KIF15: variants seen among roughly 807,000 people sequenced by gnomAD.
KIF15 encodes kinesin-like protein KIF15.
In KIF15, 140 loss-of-function variants were observed where a neutral mutation model predicts 190.6. The ratio of observed to expected loss-of-function variants is 0.73; its 90% CI spans 0.64 to 0.84. KIF15 has a LOEUF of 0.84. Among genes scored for constraint, KIF15 ranks in the 40% least tolerant of loss-of-function variants. The probability of loss-of-function intolerance (pLI) is 0.00; values close to 1 mark genes in which losing one functional copy is unlikely to be tolerated. For synonymous variants in KIF15, 528 were observed against 551.3 expected, an observed-to-expected ratio of 0.96 and a Z score of 0.59; for missense variants, 1,372 against 1,584.4, an observed-to-expected ratio of 0.87 and a Z score of 2.28.
intron 10 of KIF15, 63 bp downstream of exon 10, chr3:44,798,019 A>G: frequency 7.2e-7 from 1 of 1,379,354 alleles, no homozygotes; most frequent in Non-Finnish European, 9.8e-7. Context: ...ACAGTATGCC[A>G]TTTTTGTGAT....
intron 20 of KIF15, among the ~76,000 whole-genome samples, chr3:44,817,471 T>A (rs1307000838): frequency 6.6e-6 from 1 of 152,226 alleles, no homozygotes; most frequent in African/African-American, 2.4e-5. Flanking sequence ...CTAGCCAGTT[T>A]TCCCAGCACC....
At chr3:44,809,804 C>T (rs918730025) in intron 16 of KIF15, among the ~76,000 whole-genome samples, 6 of 152,074 alleles carry the variant, frequency 3.9e-5, no homozygotes, top group Non-Finnish European at 7.4e-5. Flanking sequence ...TGGTGTCTCA[C>T]GCCTGTAATT....
intron 6 of KIF15, among the ~76,000 whole-genome samples, chr3:44,860,707 T>G (rs560536276): frequency 2.0e-4 from 31 of 152,174 alleles, no homozygotes; most frequent in Admixed American, 1.9e-3. Context: ...AAAACCACCC[T>G]GTGAGAGAAG....
chr3:44,795,878 G>A (rs1368770188), intron 8 of KIF15, among the ~76,000 whole-genome samples: 2 of 151,684 alleles, frequency 1.3e-5, no homozygotes, highest in Non-Finnish European at 2.9e-5. Flanking sequence ...ATATTTTTTT[G>A]TTTTGAGACA....
At chr3:44,862,124 C>T (rs780040589) in intron 6 of KIF15, 5 of 780,106 alleles carry the variant, frequency 6.4e-6, no homozygotes, top group Non-Finnish European at 7.9e-6. Flanking sequence ...GAGGTCGAGC[C>T]CGGGGCGCTG....
At chr3:44,833,408 T>C (rs1698164170) in intron 26 of KIF15, among the ~76,000 whole-genome samples, 2 of 151,912 alleles carry the variant, frequency 1.3e-5, no homozygotes, top group South Asian at 4.2e-4. Context: ...GTAGAATCAG[T>C]GGGAGCCCTG....
chr3:44,802,884 T>C lies in KIF15; in HGVS notation c.1580T>C (p.Leu527Pro). ...TCCCTCAGGGAGGAGAATAGAAGAC[T>C]GAGATTATTAGAGCCTGTGAAAAGA... ...NHSLREENRRLRLLEPVKRAQ... is the reference protein window; with the variant it reads ...NHSLREENRRPRLLEPVKRAQ... The change falls in exon 14 of 35, where the codon CTG (leucine) becomes CCG (proline). Residue 527 changes from leucine (L) to proline (P), a missense_variant. Coordinates refer to ENST00000326047, the MANE Select transcript of KIF15 (RefSeq NM_020242.3). 10 of 1,611,864 alleles carry C rather than the reference T, an allele frequency of 6.2e-6. No individual in the cohort carries two copies. Among genetic ancestry groups the C allele is most frequent in the Non-Finnish European group, 8.5e-6 (10 of 1,179,302 alleles).
At chr3:44,831,547 G>A (rs1698072811) in intron 26 of KIF15, among the ~76,000 whole-genome samples, 1 of 152,164 alleles carries the variant, frequency 6.6e-6, no homozygotes, top group African/African-American at 2.4e-5. Flanking sequence ...TAAACAGGCT[G>A]ATTTCAGGGT....
At position 44,845,301 on chromosome 3, in the gene KIF15, A is replaced by C. The variant is rs778570136; in HGVS notation, c.3695+2067A>C. ...GTGGGAGTAACAACTTTGGTCATCAAGGAAAAATTTCACTGGTAATGGTAG... is the reference window on the plus strand; with the variant it reads ...GTGGGAGTAACAACTTTGGTCATCACGGAAAAATTTCACTGGTAATGGTAG... On this transcript the variant is annotated intron_variant, in intron 30 of 34. Coordinates refer to ENST00000326047, the MANE Select transcript of KIF15 (RefSeq NM_020242.3). 1.1e-4 allele frequency among the ~76,000 whole-genome samples: 17 copies of C among 152,216 alleles called. 1 individual carries two copies. Among genetic ancestry groups the C allele is most frequent in the Admixed American group, 3.3e-4 (5 of 15,280 alleles).
intron 7 of KIF15, among the ~76,000 whole-genome samples, chr3:44,789,441 T>C (rs1314002236): frequency 6.6e-6 from 1 of 151,760 alleles, no homozygotes; most frequent in Non-Finnish European, 1.5e-5. Context: ...TCTTTGAGTT[T>C]TTTTTGAGAC....
chr3:44,865,125 T>C, intron 6 of KIF15: 1 of 1,614,162 alleles, frequency 6.2e-7, no homozygotes. Flanking sequence ...GGACTCACCC[T>C]AATCCACAGG....
chr3:44,865,263 C>T lies in KIF15; in HGVS notation c.*60-8066C>T, dbSNP rs1023276849. 51 of 1,566,998 alleles carry T rather than the reference C, an allele frequency of 3.3e-5. No homozygotes were observed. The East Asian group carries it at 3.4e-4, about 10-fold the overall frequency. On this transcript the variant is annotated intron_variant and NMD_transcript_variant, in intron 6 of 6. Transcript: ENST00000422209. ...TGTCATGTGGGACTGTATCCTAGGG[C>T]GATCCAGTTGTGCAGCCTTCTGACC...
chr3:44,819,958 G>A (rs564005005), intron 20 of KIF15, among the ~76,000 whole-genome samples: 1 of 152,286 alleles, frequency 6.6e-6, no homozygotes, highest in Non-Finnish European at 1.5e-5. Flanking sequence ...ATTTAGGATA[G>A]TTAGCTCTTT....
In KIF15 at chr3:44,797,970, G is replaced by A. The variant is rs377659616; in HGVS notation, c.1098+14G>A. On this transcript the variant is annotated intron_variant, in intron 10 of 34. Transcript: ENST00000326047. ...ATTAAAAACAAGGTAAAATACTGGCGTATACTTCATTAAATAAATGAGAAA... is the reference window on the plus strand; with the variant it reads ...ATTAAAAACAAGGTAAAATACTGGCATATACTTCATTAAATAAATGAGAAA... 2.5e-5 allele frequency: 39 copies of A among 1,585,430 alleles called. No homozygotes were observed. Among genetic ancestry groups the A allele is most frequent in the Non-Finnish European group, 1.9e-5 (22 of 1,167,950 alleles).
chr3:44,768,451 A>G (rs1056258149), intron 1 of KIF15, among the ~76,000 whole-genome samples: 1 of 152,160 alleles, frequency 6.6e-6, no homozygotes, highest in Non-Finnish European at 1.5e-5. Flanking sequence ...AAAGTGTGAT[A>G]CACCAGCTGA....
chr3:44,853,746 G>A (rs1428846305), downstream of KIF15, among the ~76,000 whole-genome samples: 1 of 152,132 alleles, frequency 6.6e-6, no homozygotes, highest in East Asian at 1.9e-4. Context: ...CATCCTAGGT[G>A]TGTAGTTATA....
chr3:44,812,551 G>C (rs771959398), intron 18 of KIF15, among the ~76,000 whole-genome samples: 8 of 152,190 alleles, frequency 5.3e-5, no homozygotes, highest in Non-Finnish European at 1.2e-4. Context: ...TAATGCAAAT[G>C]GATCCCTTGC....
At chr3:44,846,457 G>A (rs547956004) in intron 30 of KIF15, among the ~76,000 whole-genome samples, 1 of 151,974 alleles carries the variant, frequency 6.6e-6, no homozygotes, top group East Asian at 1.9e-4. Context: ...GTCTGATCAT[G>A]ATGTTGAATA....
Position 44,831,134 on chromosome 3 carries a change from A to T in KIF15, c.3171+116A>T. The stretch of plus-strand genomic sequence containing the variant: ...GGATTTTTAAAGAAATAATTCTTAT[A>T]CAGCTGATGTGCCTCAAGACGCTTC... On this transcript the variant is annotated intron_variant, in intron 26 of 34. Transcript: ENST00000326047. 2.5e-6 allele frequency: 3 copies of T among 1,205,226 alleles called. No individual in the cohort carries two copies. In the South Asian group the frequency reaches 4.5e-5, roughly 18 times the overall value. The allele number at this position is 1,205,226 out of a possible 1,614,324, so 74.7% of individuals were successfully genotyped here.
Sources: gnomAD v4.1 joint callset for allele counts (sites outside exome capture counted in the v4.1 genomes callset) on GRCh38, gnomAD v4.1.1 for gene constraint, MANE v1.5 for transcripts, NCBI Gene and HGNC (gene_info 2026-07-23, HGNC 2026-07-21) for gene names.